The following PTN variants were observed in gnomAD, a reference collection of about 807,000 sequenced individuals.
PTN encodes heparin affin regulatory protein.
PTN carries 18 observed loss-of-function variants against 24.1 expected under a neutral mutation model. That is an observed-to-expected ratio of 0.75 (90% CI 0.52 to 1.11). PTN has a LOEUF of 1.11. Among genes scored for constraint, PTN ranks in the 50% least tolerant of loss-of-function variants. PTN has a pLI of 0.00. For synonymous variants in PTN, 78 were observed against 68.6 expected (o/e 1.14, Z -0.67); for missense variants, 163 against 198.8 (o/e 0.82, Z 1.08).
intron 1 of PTN, among the ~76,000 whole-genome samples, chr7:137,337,086 G>A (rs1314809165): frequency 6.6e-6 from 1 of 152,114 alleles, no homozygotes; most frequent in African/African-American, 2.4e-5. Flanking sequence ...GTATGTCCAG[G>A]GTCCTTGATT....
chr7:137,305,956 G>C (rs1406542449), intron 1 of PTN, among the ~76,000 whole-genome samples: 1 of 152,052 alleles, frequency 6.6e-6, no homozygotes, highest in South Asian at 2.1e-4. Flanking sequence ...AAATACTCTT[G>C]TGAGTGCCCG....
intron 1 of PTN, 104 bp from the exon 2 acceptor site, chr7:137,255,078 G>T: frequency 1.4e-6 from 1 of 705,154 alleles, no homozygotes; most frequent in Non-Finnish European, 2.1e-6. Flanking sequence ...TTTCTGGAAT[G>T]TTAGATTTCA....
intron 1 of PTN, among the ~76,000 whole-genome samples, chr7:137,284,753 A>C (rs1809527725): frequency 6.6e-6 from 1 of 152,196 alleles, no homozygotes; most frequent in South Asian, 2.1e-4. Context: ...AGTTGACAGA[A>C]GATTCCCTCC....
intron 1 of PTN, among the ~76,000 whole-genome samples, chr7:137,338,730 T>C (rs1226040665): frequency 2.6e-5 from 4 of 152,194 alleles, no homozygotes; most frequent in Admixed American, 2.6e-4. Context: ...TCACTATGCG[T>C]AAAAGTCTGG....
chr7:137,244,177 G>T (rs1437139430), intron 4 of PTN, among the ~76,000 whole-genome samples: 1 of 152,022 alleles, frequency 6.6e-6, no homozygotes, highest in Admixed American at 6.6e-5. Context: ...CCAGACTCTG[G>T]TAATCATTAA....
At chr7:137,252,296 T>C (rs1470007134) in intron 3 of PTN, among the ~76,000 whole-genome samples, 1 of 151,946 alleles carries the variant, frequency 6.6e-6, no homozygotes, top group Non-Finnish European at 1.5e-5. Flanking sequence ...AGATGCTGAA[T>C]ATATTTTCAG....
intron 4 of PTN, among the ~76,000 whole-genome samples, chr7:137,237,810 A>G (rs1172634349): frequency 6.6e-6 from 1 of 152,196 alleles, no homozygotes; most frequent in Non-Finnish European, 1.5e-5. Flanking sequence ...ACATGTTTTT[A>G]GACAGCAGCC....
At chr7:137,246,331 C>T (rs1251991755) in intron 4 of PTN, among the ~76,000 whole-genome samples, 2 of 152,116 alleles carry the variant, frequency 1.3e-5, no homozygotes, top group South Asian at 4.1e-4. Context: ...ATCGGCTATA[C>T]CTTACAGCCT....
At chr7:137,273,730 G>C (rs949659972) in intron 1 of PTN, among the ~76,000 whole-genome samples, 7 of 152,170 alleles carry the variant, frequency 4.6e-5, no homozygotes, top group Non-Finnish European at 8.8e-5. Flanking sequence ...GAAAGGAATA[G>C]AGACAGAGTC....
Position 137,254,893 on chromosome 7 carries a change from C to A in PTN, c.81G>T (p.Val27=). 2 of 1,583,950 alleles carry A rather than the reference C, an allele frequency of 1.3e-6. No individual in the cohort carries two copies. The highest frequency in any genetic ancestry group is 1.7e-6 in the Non-Finnish European group (2 of 1,157,620). ...FLAFIFILAA[V]DTAEAGKKEK... ...CTTTCTTCCCTGCTTCAGCAGTATC[C>A]ACAGCTGCCAGTATGAAAATGAATG... is the stretch of plus-strand genomic sequence containing the variant. Residue 27 remains valine, a synonymous_variant, in exon 2 of 5, where the codon GTG becomes GTT. Coordinates refer to ENST00000348225, the MANE Select transcript of PTN (RefSeq NM_002825.7).
chr7:137,267,892 T>C (rs1809185857), intron 1 of PTN, among the ~76,000 whole-genome samples: 1 of 152,090 alleles, frequency 6.6e-6, no homozygotes, highest in South Asian at 2.1e-4. Context: ...GATACAGGCA[T>C]ACCATGGGTG....
At chr7:137,320,136 G>T (rs912971955) in intron 1 of PTN, among the ~76,000 whole-genome samples, 9 of 152,156 alleles carry the variant, frequency 5.9e-5, no homozygotes, top group African/African-American at 1.9e-4. Flanking sequence ...ATCCTCAATT[G>T]TGTGATTATT....
At chr7:137,300,790 C>T (rs1809794618) in intron 1 of PTN, among the ~76,000 whole-genome samples, 2 of 151,890 alleles carry the variant, frequency 1.3e-5, no homozygotes, top group Admixed American at 1.3e-4. Context: ...CTGACTCCAC[C>T]CTGCTTCAGC....
At chr7:137,258,177 A>T (rs2128872036) in intron 1 of PTN, among the ~76,000 whole-genome samples, 1 of 152,312 alleles carries the variant, frequency 6.6e-6, no homozygotes, top group Admixed American at 6.5e-5. Context: ...ATCAAATAAA[A>T]TTTTTAGTAT....
intron 1 of PTN, among the ~76,000 whole-genome samples, chr7:137,283,306 C>T (rs1809502430): frequency 2.0e-5 from 3 of 152,114 alleles, no homozygotes; most frequent in Admixed American, 1.3e-4. Flanking sequence ...CCTTCAAGAA[C>T]GGAAGAGCTG....
chr7:137,329,869 G>T (rs754704923), intron 1 of PTN, among the ~76,000 whole-genome samples: 1 of 152,128 alleles, frequency 6.6e-6, no homozygotes, highest in South Asian at 2.1e-4. Context: ...GAACAATGAG[G>T]TTCAGCAACA....
At position 137,236,221 on chromosome 7, in the gene PTN, C is replaced by T. The variant is rs1321830455; in HGVS notation, c.452-8146G>A. On this transcript the variant is annotated intron_variant, in intron 4 of 4. Transcript: ENST00000348225. ...CCATCTTCTCAAACTCTCCCCACTC[C>T]TGTGTCTCCATTTTCCCTTCTCTAT... The T allele has an allele frequency of 2.1e-5, 15 of 702,390 alleles. No homozygotes were observed. The East Asian group carries it at 4.0e-4, about 19-fold the overall frequency. 43.5% of individuals were successfully genotyped at this position (702,390 alleles called of 1,614,324 possible). A position where few individuals can be genotyped will look rare whatever the true frequency, so the allele number is the denominator to read the frequency against.
chr7:137,297,466 C>G (rs928943603), intron 1 of PTN, among the ~76,000 whole-genome samples: 7 of 151,962 alleles, frequency 4.6e-5, no homozygotes, highest in African/African-American at 7.2e-5. Context: ...ATTGCATGAG[C>G]TGAGTTAAGG....
At chr7:137,341,870 T>G (rs1810539640) in intron 1 of PTN, among the ~76,000 whole-genome samples, 1 of 152,110 alleles carries the variant, frequency 6.6e-6, no homozygotes, top group African/African-American at 2.4e-5. Context: ...AATAATATAA[T>G]TTTTTAAAAT....
Sources: allele counts gnomAD v4.1 joint callset (sites outside exome capture counted in the v4.1 genomes callset), GRCh38; gene constraint gnomAD v4.1.1; transcripts MANE v1.5; gene names NCBI Gene and HGNC (gene_info 2026-07-23, HGNC 2026-07-21).